The following TTLL6 variants were observed in gnomAD, a reference collection of about 807,000 sequenced individuals.
TTLL6 encodes tubulin polyglutamylase TTLL6.
A neutral mutation model predicts 96.4 loss-of-function variants in TTLL6; 75 were observed. The ratio of observed to expected loss-of-function variants is 0.78; its 90% CI spans 0.65 to 0.94. The LOEUF (loss-of-function observed/expected upper bound fraction) is 0.94. Ranked by LOEUF, TTLL6 falls within the 40% of genes least tolerant of loss-of-function variation. The probability of loss-of-function intolerance (pLI) is 0.00; values close to 1 mark genes in which losing one functional copy is unlikely to be tolerated. For synonymous variants in TTLL6, 411 were observed against 419.4 expected (o/e 0.98, Z 0.24); for missense variants, 1,030 against 1,093.0 (o/e 0.94, Z 0.81).
chr17:48,794,176 A>G, intron 8 of TTLL6: 1 of 1,613,848 alleles, frequency 6.2e-7, no homozygotes, highest in Non-Finnish European at 8.5e-7. Flanking sequence ...GAAGAGGCAG[A>G]ACAACACTTG....
chr17:48,786,887 G>A (rs912506415), intron 11 of TTLL6, among the ~76,000 whole-genome samples: 1 of 145,162 alleles, frequency 6.9e-6, no homozygotes, highest in Non-Finnish European at 1.5e-5. Flanking sequence ...AGGCTGGAGT[G>A]CAGTGGCACA....
chr17:48,808,127 C>T (rs572849852), intron 1 of TTLL6, among the ~76,000 whole-genome samples: 12 of 152,192 alleles, frequency 7.9e-5, no homozygotes, highest in African/African-American at 2.2e-4. Context: ...CGTGAGCCAC[C>T]GCGCCCGGCC....
At chr17:48,777,510 G>C (rs1488331664) in intron 13 of TTLL6, among the ~76,000 whole-genome samples, 1 of 151,864 alleles carries the variant, frequency 6.6e-6, no homozygotes, top group Non-Finnish European at 1.5e-5. Flanking sequence ...GCGGGTGGAT[G>C]GTCTGAGGTC....
chr17:48,772,594 GGTGGCACGCGCCT>G (rs2038769612), intron 13 of TTLL6, among the ~76,000 whole-genome samples: 1 of 151,956 alleles, frequency 6.6e-6, no homozygotes, highest in South Asian at 2.1e-4. Flanking sequence ...AGCTGGGTGT[GGTGGCACGCGCCT>G]GTAGTCCCAG....
In TTLL6 at chr17:48,771,999, C is replaced by T. The variant is rs143470925; in HGVS notation, c.2041-1902G>A. 5.9e-5 allele frequency among the ~76,000 whole-genome samples: 9 copies of T among 151,982 alleles called. No homozygotes were observed. In the East Asian group the frequency reaches 7.8e-4, roughly 13 times the overall value. ...CTGAGGCAGAGGAATCACTTGAACT[C>T]GGGTGGCAGAGGTTGCAGTGAGCTG... is the stretch of plus-strand genomic sequence containing the variant. On this transcript the variant is annotated intron_variant, in intron 13 of 15. Coordinates refer to ENST00000393382, the MANE Select transcript of TTLL6 (RefSeq NM_001130918.3).
At chr17:48,786,111 G>A (rs777820890) in intron 12 of TTLL6, 53 bp downstream of exon 12, 600 of 1,609,472 alleles carry the variant, frequency 3.7e-4, no homozygotes, top group Non-Finnish European at 4.8e-4. Context: ...CCACGGATCA[G>A]GCCCAGGTGG....
intron 13 of TTLL6, among the ~76,000 whole-genome samples, chr17:48,773,803 C>A (rs1311557365): frequency 6.6e-6 from 1 of 151,784 alleles, no homozygotes; most frequent in Non-Finnish European, 1.5e-5. Context: ...AGAAAAGTGG[C>A]TGGGTGGGGT....
intron 1 of TTLL6, among the ~76,000 whole-genome samples, chr17:48,806,755 G>A (rs2039510474): frequency 6.6e-6 from 1 of 152,104 alleles, no homozygotes; most frequent in African/African-American, 2.4e-5. Flanking sequence ...ATAAGGCCAA[G>A]CACGCTGGTT....
intron 13 of TTLL6, among the ~76,000 whole-genome samples, chr17:48,775,928 T>A (rs2038861530): frequency 6.6e-6 from 1 of 152,152 alleles, no homozygotes; most frequent in East Asian, 1.9e-4. Context: ...TACAAACACC[T>A]GACAGCTAAC....
chr17:48,817,075 G>A lies in TTLL6; in HGVS notation c.-3C>T. The A allele has an allele frequency of 6.5e-7, 1 of 1,540,130 alleles. No individual in the cohort carries two copies. The highest frequency in any genetic ancestry group is 8.7e-7 in the Non-Finnish European group (1 of 1,144,140). On this transcript the variant is annotated 5_prime_UTR_variant, in exon 1 of 16. Transcript: ENST00000393382. ...GGATGAAGGAGTAACGCTCCCATTG[G>A]CTGCCAGACAGCCCCAACCCCAACC...
intron 15 of TTLL6, among the ~76,000 whole-genome samples, chr17:48,768,364 G>A (rs909308886): frequency 3.9e-5 from 6 of 152,138 alleles, no homozygotes; most frequent in Non-Finnish European, 5.9e-5. Flanking sequence ...TCTCCCTCCC[G>A]GGTTCAAGCA....
At position 48,805,105 on chromosome 17, in the gene TTLL6, T is replaced by C. The variant is rs1009117251; in HGVS notation, c.104-114A>G. ...TCTAATTCAACGCAACAGGTTGCAGTTTATAAAATGCCACCCGGCCTCCGC... is the reference window on the plus strand; with the variant it reads ...TCTAATTCAACGCAACAGGTTGCAGCTTATAAAATGCCACCCGGCCTCCGC... On this transcript the variant is annotated intron_variant, in intron 1 of 15. Transcript: ENST00000393382. The C allele has an allele frequency of 1.9e-5, 16 of 845,016 alleles. No individual in the cohort carries two copies. In the Admixed American group the frequency reaches 4.2e-4, roughly 22 times the overall value. The allele number at this position is 845,016 out of a possible 1,614,324, so 52.3% of individuals were successfully genotyped here. A position where few individuals can be genotyped will look rare whatever the true frequency, so the allele number is the denominator to read the frequency against.
intron 15 of TTLL6, 88 bp from the exon 16 acceptor site, chr17:48,763,061 T>A: frequency 5.2e-6 from 2 of 381,174 alleles, no homozygotes; most frequent in Non-Finnish European, 1.0e-5. Context: ...ACCATTCCTA[T>A]CTAGTGGATC....
Position 48,769,237 on chromosome 17 carries a change from C to A in TTLL6, c.2428G>T (p.Gly810Trp), listed in dbSNP as rs557263408. The A allele has an allele frequency of 2.5e-6, 4 of 1,605,086 alleles. No homozygotes were observed. The African/African-American group carries it at 4.0e-5, about 16-fold the overall frequency. Residue 810 changes from glycine (G) to tryptophan (W), a missense_variant, in exon 15 of 16, where the codon GGG (glycine) becomes TGG (tryptophan). Transcript: ENST00000393382. ...NNLSQNPSLP[G>W]ECHSRSDSSG... ...CTGTCACTGCGGGAGTGGCACTCCCCAGGCAGGGAGGGGTTTTCTGGAAAG... is the reference window on the plus strand; with the variant it reads ...CTGTCACTGCGGGAGTGGCACTCCCAAGGCAGGGAGGGGTTTTCTGGAAAG...
Position 48,785,107 on chromosome 17 carries a change from T to C in TTLL6, c.1856A>G (p.Gln619Arg). ...GCTGGCCTCCTCCGTGGGAGCCTCC[T>C]GGTTGAGGCTGCTGTCTGTTTCATT... ...RKNETDSSLN[Q>R]EAPTEEASSV... The change falls in exon 13 of 16, where the codon CAG becomes CGG. Residue 619 changes from glutamine (Q) to arginine (R), a missense_variant. Transcript: ENST00000393382. 6.2e-7 allele frequency: 1 copy of C among 1,614,196 alleles called. No homozygotes were observed. Among genetic ancestry groups the C allele is most frequent in the Non-Finnish European group, 8.5e-7 (1 of 1,180,048 alleles).
intron 15 of TTLL6, 62 bp from the exon 16 acceptor site, chr17:48,763,035 C>G (rs1044693316): frequency 2.2e-5 from 9 of 417,348 alleles, no homozygotes; most frequent in Non-Finnish European, 3.3e-5. Flanking sequence ...ATATTAAAGT[C>G]AATGAACTCA....
At chr17:48,812,403 A>G (rs2039610087) in intron 1 of TTLL6, 1 of 152,196 alleles carries the variant, frequency 6.6e-6, no homozygotes, top group Non-Finnish European at 1.5e-5. Context: ...TGTAGTAGCT[A>G]AGAACTCAGA....
intron 13 of TTLL6, among the ~76,000 whole-genome samples, chr17:48,783,912 C>T (rs1220861811): frequency 6.6e-6 from 1 of 152,146 alleles, no homozygotes; most frequent in African/African-American, 2.4e-5. Context: ...GTCCATACAT[C>T]AACAGAGTTT....
At chr17:48,799,801 G>T in intron 5 of TTLL6, 41 bp from the exon 6 acceptor site, 1 of 1,530,806 alleles carries the variant, frequency 6.5e-7, no homozygotes. Flanking sequence ...CTTTAGCTGG[G>T]GAGCAATGAA....
Sources: gnomAD v4.1 joint callset for allele counts (sites outside exome capture counted in the v4.1 genomes callset) on GRCh38, gnomAD v4.1.1 for gene constraint, MANE v1.5 for transcripts, NCBI Gene and HGNC (gene_info 2026-07-23, HGNC 2026-07-21) for gene names.